ZHX3: variants seen among roughly 807,000 people sequenced by gnomAD.
ZHX3 encodes zinc fingers and homeoboxes 3.
Under a neutral mutation model 64.5 loss-of-function variants are expected in ZHX3, and 20 were observed. That is an observed-to-expected ratio of 0.31 (90% confidence interval 0.22 to 0.45). The LOEUF is 0.45. ZHX3 is among the 20% of genes least tolerant of loss of function. The pLI, the probability that ZHX3 is intolerant of heterozygous loss-of-function variation, is 1.00. For synonymous variants in ZHX3, 423 were observed against 461.6 expected (o/e 0.92, Z 1.07); for missense variants, 1,041 against 1,195.8 (o/e 0.87, Z 1.91).
chr20:41,307,059 T>G (rs968556560), intron 1 of ZHX3, among the ~76,000 whole-genome samples: 3 of 151,950 alleles, frequency 2.0e-5, no homozygotes, highest in Admixed American at 6.6e-5. Flanking sequence ...TGAGAGAGAA[T>G]CCACTCCATG....
chr20:41,191,095 A>G (rs927185558), intron 3 of ZHX3, among the ~76,000 whole-genome samples: 26 of 152,146 alleles, frequency 1.7e-4, no homozygotes, highest in Non-Finnish European at 3.2e-4. Context: ...GGAAGTTTTC[A>G]CCTATTAATA....
chr20:41,206,312 T>C (rs1243616019), intron 2 of ZHX3, among the ~76,000 whole-genome samples: 1 of 152,206 alleles, frequency 6.6e-6, no homozygotes, highest in Non-Finnish European at 1.5e-5. Context: ...TTTGATGAGT[T>C]GAGAGAAGAG....
Position 41,204,515 on chromosome 20 carries a change from C to T in ZHX3, c.402G>A (p.Gly134=). Residue 134 remains glycine (G), a synonymous_variant, in exon 3 of 4, where the codon GGG becomes GGA. Transcript: ENST00000683867. This position sits in a 1 kb window ranked among gnomAD's most constrained non-coding sequence, Gnocchi z 6.6. ...CCACGTTCCACACAAAGCTGGCTTC[C>T]CCGGAGTGACATGTGGCATTGTGCA... ...LSLHNATCHS[G]EASFVWNVAK... 4 of 1,614,156 alleles carry T rather than the reference C, an allele frequency of 2.5e-6. No homozygotes were observed. The highest frequency in any genetic ancestry group is 3.4e-6 in the Non-Finnish European group (4 of 1,180,026).
At chr20:41,287,565 T>C (rs1029343747) in intron 1 of ZHX3, among the ~76,000 whole-genome samples, 1 of 152,200 alleles carries the variant, frequency 6.6e-6, no homozygotes, top group Non-Finnish European at 1.5e-5. Context: ...ACTTCCATCC[T>C]GGGTTCTGTT....
intron 2 of ZHX3, among the ~76,000 whole-genome samples, chr20:41,258,726 C>T (rs1420569810): frequency 1.3e-5 from 2 of 152,110 alleles, no homozygotes; most frequent in Non-Finnish European, 2.9e-5. Context: ...TGGTCTTGAC[C>T]TCTTGGTTAA....
chr20:41,192,498 G>A (rs2037112396), intron 3 of ZHX3, among the ~76,000 whole-genome samples: 1 of 152,226 alleles, frequency 6.6e-6, no homozygotes, highest in Non-Finnish European at 1.5e-5. Context: ...GGGAATGCAT[G>A]TGCCACTCAC....
At position 41,203,536 on chromosome 20, in the gene ZHX3, T is replaced by C. The variant is rs1475703607; in HGVS notation, c.1381A>G (p.Thr461Ala). Reference protein sequence around the residue: ...PKQPGVAPINTVCSNTTSAVK... With the variant: ...PKQPGVAPINAVCSNTTSAVK... ...GCTGACGTTGTATTTGAACACACAG[T>C]GTTAATGGGTGCCACACCTGGCTGC... The change falls in exon 3 of 4, where the codon ACT becomes GCT. Residue 461 changes from threonine to alanine, a missense_variant. Around this residue, in one of 4 missense-constraint regions of ZHX3, gnomAD observed 649 missense variants for 739.8 expected, o/e 0.88. Coordinates refer to ENST00000683867, the MANE Select transcript of ZHX3 (RefSeq NM_001384317.1). This position sits in a 1 kb window ranked among gnomAD's most constrained non-coding sequence, Gnocchi z 7.1. The C allele has an allele frequency of 5.6e-6, 9 of 1,614,152 alleles. No homozygotes were observed. The highest frequency in any genetic ancestry group is 7.6e-6 in the Non-Finnish European group (9 of 1,180,004).
intron 1 of ZHX3, among the ~76,000 whole-genome samples, chr20:41,270,459 A>G (rs905934835): frequency 7.3e-5 from 11 of 151,402 alleles, no homozygotes; most frequent in Non-Finnish European, 1.6e-4. Flanking sequence ...GCAAATCACG[A>G]GGTCAGGAGA....
chr20:41,275,630 G>A (rs76191442), intron 1 of ZHX3, among the ~76,000 whole-genome samples: 1,673 of 152,328 alleles, frequency 0.011, 14 homozygotes, highest in African/African-American at 0.029. Flanking sequence ...CATAACATCC[G>A]TAGGAGACTC....
rs1043964989 is a variant in ZHX3 at position 41,183,892 on chromosome 20, A to G, written c.*1299T>C. 2.6e-5 allele frequency: 4 copies of G among 152,248 alleles called. No homozygotes were observed. Among genetic ancestry groups the G allele is most frequent in the South Asian group, 2.1e-4 (1 of 4,830 alleles). 9.4% of individuals were successfully genotyped at this position (152,248 alleles called of 1,614,324 possible). ...CATTTCCTGTAATTTTCTCAATTCA[A>G]AAAAGGACATGAGGGTTAGGCTAAA... On this transcript the variant is annotated 3_prime_UTR_variant, in exon 4 of 4. Coordinates refer to ENST00000683867, the MANE Select transcript of ZHX3 (RefSeq NM_001384317.1). This position sits in a 1 kb window ranked among gnomAD's most constrained non-coding sequence, Gnocchi z 5.3.
chr20:41,289,697 C>CTT (rs11477086), intron 1 of ZHX3, among the ~76,000 whole-genome samples: 10 of 144,354 alleles, frequency 6.9e-5, no homozygotes, highest in Non-Finnish European at 1.2e-4. Context: ...AAGACTGTCA[C>CTT]TTTTTTTTTT....
chr20:41,266,679 G>A (rs944513034), intron 2 of ZHX3, among the ~76,000 whole-genome samples: 3 of 151,520 alleles, frequency 2.0e-5, no homozygotes, highest in African/African-American at 7.3e-5. Flanking sequence ...CCGAGTAGTT[G>A]GGACTACAGG....
intron 2 of ZHX3, among the ~76,000 whole-genome samples, chr20:41,217,951 G>A (rs574160670): frequency 6.6e-6 from 1 of 152,198 alleles, no homozygotes; most frequent in African/African-American, 2.4e-5. Flanking sequence ...TCTTACAGAG[G>A]GTTCGAAGAT....
chr20:41,282,812 A>G (rs2043756438), intron 1 of ZHX3, among the ~76,000 whole-genome samples: 5 of 152,248 alleles, frequency 3.3e-5, no homozygotes, highest in Admixed American at 3.3e-4. Context: ...AACATTTCCT[A>G]AAGATAATTA....
chr20:41,284,765 T>C (rs1284458926), intron 1 of ZHX3, among the ~76,000 whole-genome samples: 1 of 152,160 alleles, frequency 6.6e-6, no homozygotes, highest in African/African-American at 2.4e-5. Context: ...CTAGGGATGT[T>C]ATGATCTGGA....
At chr20:41,197,732 G>A (rs1339199544) in intron 3 of ZHX3, among the ~76,000 whole-genome samples, 2 of 151,948 alleles carry the variant, frequency 1.3e-5, no homozygotes, top group Non-Finnish European at 2.9e-5. Context: ...ATATGTTTTT[G>A]ATTCCTCAAT....
chr20:41,305,859 CCTT>C (rs1181921023), intron 1 of ZHX3, among the ~76,000 whole-genome samples: 4 of 152,074 alleles, frequency 2.6e-5, no homozygotes, highest in African/African-American at 9.7e-5. Flanking sequence ...GCTCAAAACT[CCTT>C]ATCAACATAA....
intron 2 of ZHX3, among the ~76,000 whole-genome samples, chr20:41,240,863 A>T (rs1325439386): frequency 6.6e-6 from 1 of 152,228 alleles, no homozygotes; most frequent in East Asian, 1.9e-4. Context: ...TGTATCGTTG[A>T]ATAGTACTTC....
At chr20:41,260,263 T>C (rs2042492299) in intron 2 of ZHX3, among the ~76,000 whole-genome samples, 1 of 151,952 alleles carries the variant, frequency 6.6e-6, no homozygotes, top group Non-Finnish European at 1.5e-5. Flanking sequence ...GCAAGACAGC[T>C]GAAATAAGGT....
Sources: allele counts gnomAD v4.1 joint callset (sites outside exome capture counted in the v4.1 genomes callset), GRCh38; gene constraint gnomAD v4.1.1; regional missense constraint gnomAD v4.1.1; non-coding constraint Gnocchi (gnomAD v3.1); transcripts MANE v1.5; gene names NCBI Gene and HGNC (gene_info 2026-07-23, HGNC 2026-07-21).